DNAJC13: variants seen among roughly 807,000 people sequenced by gnomAD.
The protein encoded by DNAJC13 is DnaJ heat shock protein family (Hsp40) member C13.
In DNAJC13, 75 loss-of-function variants were observed where a neutral mutation model predicts 290.5. That is an observed-to-expected ratio of 0.26 (90% CI 0.21 to 0.31). The LOEUF (loss-of-function observed/expected upper bound fraction) is 0.31. Ranked by LOEUF, DNAJC13 falls within the 10% of genes least tolerant of loss-of-function variation. The pLI, the probability that DNAJC13 is intolerant of heterozygous loss-of-function variation, is 1.00. For missense variants in DNAJC13, 2,260 were observed against 2,674.5 expected (o/e 0.85, Z 3.42); for synonymous variants, 862 against 892.0 (o/e 0.97, Z 0.60).
At chr3:132,450,278 A>G (rs993780659) in intron 5 of DNAJC13, among the ~76,000 whole-genome samples, 1 of 152,148 alleles carries the variant, frequency 6.6e-6, no homozygotes, top group East Asian at 1.9e-4. Flanking sequence ...ACTTGGATTA[A>G]AAGAATCCAT....
intron 55 of DNAJC13, among the ~76,000 whole-genome samples, chr3:132,534,551 G>A (rs938202221): frequency 2.6e-5 from 4 of 152,074 alleles, no homozygotes; most frequent in African/African-American, 7.2e-5. Flanking sequence ...CCACCTACTC[G>A]GGAGGCTCTC....
chr3:132,496,700 A>G, intron 36 of DNAJC13, 37 bp downstream of exon 36: 2 of 1,568,846 alleles, frequency 1.3e-6, no homozygotes, highest in Non-Finnish European at 1.7e-6. Flanking sequence ...TTTATCCTCC[A>G]GCTAACCTTA....
At chr3:132,453,183 C>T in intron 6 of DNAJC13, 115 bp from the exon 7 acceptor site, 4 of 866,798 alleles carry the variant, frequency 4.6e-6, no homozygotes, top group Non-Finnish European at 7.0e-6. Context: ...GCCTCTAATA[C>T]CTACCTCTTT....
rs1939331160 is a variant in DNAJC13 at position 132,434,614 on chromosome 3, G to A, written c.64G>A (p.Gly22Arg). The A allele has an allele frequency of 6.2e-7, 1 of 1,603,028 alleles. No homozygotes were observed. The highest frequency in any genetic ancestry group is 1.4e-5 in the African/African-American group (1 of 74,006). Residue 22 changes from glycine (G) to arginine (R), a missense_variant, in exon 2 of 56, where the codon GGG (glycine) becomes AGG (arginine). Around this residue, in one of 3 missense-constraint regions of DNAJC13, gnomAD observed 762 missense variants for 964.1 expected, o/e 0.79. Coordinates refer to ENST00000260818, the MANE Select transcript of DNAJC13 (RefSeq NM_015268.4). ...CTACACAACAAAACATTCATGGAGGGGGAAGTAAGTATTCTTGTTGGGTTT... is the reference window on the plus strand; with the variant it reads ...CTACACAACAAAACATTCATGGAGGAGGAAGTAAGTATTCTTGTTGGGTTT... ...CFYTTKHSWR[G>R]KYKRVFSVGT...
intron 41 of DNAJC13, among the ~76,000 whole-genome samples, chr3:132,503,686 G>GACT (rs1191244570): frequency 6.6e-6 from 1 of 152,156 alleles, no homozygotes; most frequent in Non-Finnish European, 1.5e-5. Context: ...CACAATGGCA[G>GACT]ACTACTGGGA....
At chr3:132,474,633 T>C (rs1934401675) in intron 21 of DNAJC13, among the ~76,000 whole-genome samples, 1 of 151,164 alleles carries the variant, frequency 6.6e-6, no homozygotes, top group African/African-American at 2.4e-5. Flanking sequence ...CAGATTTGTT[T>C]CATAGTTTAG....
intron 55 of DNAJC13, among the ~76,000 whole-genome samples, chr3:132,532,912 A>AATAATTATTATTATTATTATTATT (rs1553753686): frequency 5.6e-5 from 8 of 141,828 alleles, no homozygotes; most frequent in African/African-American, 1.6e-4. Flanking sequence ...TAATTTTTGT[A>AATAATTATTATTATTATTATTATT]ATTATTATTA....
chr3:132,418,845 C>G (rs1401214741), intron 1 of DNAJC13, among the ~76,000 whole-genome samples: 2 of 152,094 alleles, frequency 1.3e-5, no homozygotes, highest in Admixed American at 6.5e-5. Flanking sequence ...GGGAAAATTA[C>G]AGTGATAAGG....
At chr3:132,445,941 G>A (rs1013500896) in intron 2 of DNAJC13, among the ~76,000 whole-genome samples, 3 of 152,054 alleles carry the variant, frequency 2.0e-5, no homozygotes, top group Non-Finnish European at 4.4e-5. Context: ...AAAACTGCTT[G>A]TTTGTGGTGT....
chr3:132,516,948 T>C (rs1370659992), intron 48 of DNAJC13, 132 bp downstream of exon 48: 7 of 794,056 alleles, frequency 8.8e-6, no homozygotes, highest in South Asian at 1.8e-5. Context: ...AGTTGGAAAA[T>C]TCACATTCCG....
At chr3:132,432,013 G>A (rs1156958400) in intron 1 of DNAJC13, among the ~76,000 whole-genome samples, 1 of 152,124 alleles carries the variant, frequency 6.6e-6, no homozygotes, top group Non-Finnish European at 1.5e-5. Flanking sequence ...TGTGGTATGT[G>A]AATTATGTCT....
intron 20 of DNAJC13, among the ~76,000 whole-genome samples, chr3:132,471,911 T>C (rs1576481435): frequency 1.4e-5 from 2 of 141,792 alleles, no homozygotes; most frequent in African/African-American, 5.1e-5. Context: ...GAGGTGTAGG[T>C]TGTAGTGAGC....
At chr3:132,417,997 T>A (rs1292637029) in intron 1 of DNAJC13, among the ~76,000 whole-genome samples, 1 of 151,836 alleles carries the variant, frequency 6.6e-6, no homozygotes, top group Non-Finnish European at 1.5e-5. Context: ...GCCCCACCCC[T>A]TTTTTTTGCT....
intron 20 of DNAJC13, among the ~76,000 whole-genome samples, chr3:132,471,175 T>A (rs2107684224): frequency 8.6e-6 from 1 of 116,132 alleles, no homozygotes; most frequent in Admixed American, 8.4e-5. Flanking sequence ...GGCTCCTCAC[T>A]TCCCAGTAGG....
intron 1 of DNAJC13, among the ~76,000 whole-genome samples, chr3:132,433,154 G>A (rs1206829351): frequency 6.6e-6 from 1 of 152,202 alleles, no homozygotes; most frequent in African/African-American, 2.4e-5. Context: ...ATTATCTTCA[G>A]ATACAAGGAC....
chr3:132,460,436 A>AT (rs768972863), intron 14 of DNAJC13, 79 bp downstream of exon 14: 23,279 of 752,968 alleles, frequency 0.031, no homozygotes, highest in South Asian at 0.037. Flanking sequence ...CACGTGGATG[A>AT]TTTTTTTTTT....
chr3:132,488,888 G>A (rs1934970570), intron 30 of DNAJC13, 88 bp from the exon 31 acceptor site: 2 of 932,018 alleles, frequency 2.1e-6, no homozygotes, highest in Non-Finnish European at 1.7e-6. Context: ...GTTTTATTTA[G>A]CTATAAAAGA....
chr3:132,532,306 T>C (rs79714526), intron 55 of DNAJC13, among the ~76,000 whole-genome samples: 3,866 of 152,300 alleles, frequency 0.025, 153 homozygotes, highest in African/African-American at 0.088. Context: ...TTAGAGGCTT[T>C]GGAGGAAATT....
intron 17 of DNAJC13, among the ~76,000 whole-genome samples, chr3:132,464,424 A>T (rs556471717): frequency 6.6e-6 from 1 of 152,310 alleles, no homozygotes; most frequent in Admixed American, 6.5e-5. Context: ...CAGCTATCTT[A>T]AGCATACTAT....
Sources: allele counts gnomAD v4.1 joint callset (sites outside exome capture counted in the v4.1 genomes callset), GRCh38; gene constraint gnomAD v4.1.1; regional missense constraint gnomAD v4.1.1; transcripts MANE v1.5; gene names NCBI Gene and HGNC (gene_info 2026-07-23, HGNC 2026-07-21).